WDR3: variants seen among roughly 807,000 people sequenced by gnomAD.
WDR3 encodes the protein WD repeat-containing protein 3.
In WDR3, 81 loss-of-function variants were observed where a neutral mutation model predicts 123.7. That is an observed-to-expected ratio of 0.65 (90% CI 0.55 to 0.79). WDR3 has a LOEUF of 0.79. Ranked by LOEUF, WDR3 falls within the 30% of genes least tolerant of loss-of-function variation. WDR3 has a pLI of 0.00. For synonymous variants in WDR3, 390 were observed against 388.8 expected (o/e 1.00, Z -0.04); for missense variants, 1,027 against 1,123.2 (o/e 0.91, Z 1.22).
intron 1 of WDR3, 133 bp from the exon 2 acceptor site, chr1:117,933,155 G>C (rs1286149680): frequency 3.1e-6 from 2 of 651,218 alleles, no homozygotes; most frequent in East Asian, 6.0e-5. Context: ...TGTGAGCCAG[G>C]ATCCCACCAC....
chr1:117,938,771 G>A (rs756364472), intron 5 of WDR3, among the ~76,000 whole-genome samples: 2 of 152,150 alleles, frequency 1.3e-5, no homozygotes, highest in African/African-American at 4.8e-5. Flanking sequence ...TTGGCCTTGC[G>A]TGGTTTTTAA....
rs774410011 is a variant in WDR3, at chr1:117,952,071, T to C, written c.1899T>C (p.Asp633=). 4 of 1,613,038 alleles carry C rather than the reference T, an allele frequency of 2.5e-6. No homozygotes were observed. Among genetic ancestry groups the C allele is most frequent in the Non-Finnish European group, 3.4e-6 (4 of 1,179,334 alleles). The part of the protein sequence containing the change: ...GDCHKSLFAH[D]DSVMYLQFVP... ...GCCACAAGTCTCTCTTTGCACATGA[T>C]GACAGGTATGTATAGTCTTTTCAAA... Residue 633 remains aspartate (D), a synonymous_variant, in exon 17 of 27, where the codon GAT becomes GAC. Transcript: ENST00000349139.
At chr1:117,956,687 G>A (rs372700625) in intron 24 of WDR3, among the ~76,000 whole-genome samples, 12 of 152,142 alleles carry the variant, frequency 7.9e-5, no homozygotes, top group African/African-American at 2.9e-4. Flanking sequence ...AATTAAAATA[G>A]TGTAGCATTG....
In WDR3 at chr1:117,963,311, C is replaced by T. The variant is rs1453618421; in HGVS notation, c.*3864C>T. On this transcript the variant is annotated 3_prime_UTR_variant, in exon 27 of 27. Transcript: ENST00000349139. The stretch of plus-strand genomic sequence containing the variant: ...TGAATTCTACCTTGCATGAGCATTA[C>T]ATTTTATAATATATATAAAGAAGCA... 1 of 151,796 alleles carries T rather than the reference C, an allele frequency of 6.6e-6. No homozygotes were observed. The highest frequency in any genetic ancestry group is 1.5e-5 in the Non-Finnish European group (1 of 68,038). 9.4% of individuals were successfully genotyped at this position (151,796 alleles called of 1,614,324 possible). A position where few individuals can be genotyped will look rare whatever the true frequency, so the allele number is the denominator to read the frequency against.
chr1:117,950,805 G>A (rs1651581605), intron 15 of WDR3, 29 bp from the exon 16 acceptor site: 1 of 1,575,020 alleles, frequency 6.3e-7, no homozygotes, highest in Non-Finnish European at 8.7e-7. Flanking sequence ...TTTATAGACA[G>A]ACATTAATTA....
At chr1:117,953,930 G>T in intron 21 of WDR3, 77 bp from the exon 22 acceptor site, 1 of 1,260,480 alleles carries the variant, frequency 7.9e-7, no homozygotes, top group Non-Finnish European at 1.1e-6. Flanking sequence ...CAAATTTCTG[G>T]TCAGTTCTTC....
At chr1:117,942,294 T>C in intron 9 of WDR3, 143 bp from the exon 10 acceptor site, 1 of 682,568 alleles carries the variant, frequency 1.5e-6, no homozygotes, top group Admixed American at 2.8e-5. Flanking sequence ...CATTGTTTAA[T>C]TATCATGGTA....
chr1:117,956,451 A>G (rs1488194836), intron 24 of WDR3, among the ~76,000 whole-genome samples: 1 of 152,238 alleles, frequency 6.6e-6, no homozygotes, highest in Admixed American at 6.5e-5. Context: ...TAAAGATGAA[A>G]CTTCACTACA....
chr1:117,946,202 A>C (rs773233984), intron 12 of WDR3, 23 bp downstream of exon 12: 5 of 1,572,664 alleles, frequency 3.2e-6, no homozygotes, highest in Middle Eastern at 1.7e-4. Flanking sequence ...TTTTTCTGGG[A>C]TATCTGGATC....
intron 24 of WDR3, among the ~76,000 whole-genome samples, chr1:117,955,624 A>G (rs1652081194): frequency 1.3e-5 from 2 of 152,144 alleles, no homozygotes; most frequent in Non-Finnish European, 2.9e-5. Context: ...ATATAATTCA[A>G]TTAGAAGCAC....
At chr1:117,938,384 GTTCC>G (rs1651015808) in intron 4 of WDR3, 92 bp from the exon 5 acceptor site, 1 of 932,924 alleles carries the variant, frequency 1.1e-6, no homozygotes, top group Non-Finnish European at 1.6e-6. Flanking sequence ...TGAAGCATAT[GTTCC>G]TTTTAAAGCA....
At chr1:117,954,782 TG>T (rs1651922210) in intron 23 of WDR3, among the ~76,000 whole-genome samples, 155 bp downstream of exon 23, 1 of 152,170 alleles carries the variant, frequency 6.6e-6, no homozygotes, top group African/African-American at 2.4e-5. Context: ...TAGGATATTT[TG>T]TATTTCAAAA....
Position 117,950,092 on chromosome 1 carries a change from G to A in WDR3, c.1708G>A (p.Asp570Asn), listed in dbSNP as rs1651556037. 6.2e-7 allele frequency: 1 copy of A among 1,613,772 alleles called. No homozygotes were observed. The highest frequency in any genetic ancestry group is 8.5e-7 in the Non-Finnish European group (1 of 1,179,890). ...AAAGCTATTGGCTGTGTCTTTGCTG[G>A]ACTGTACTGTGAAAATTTTCTACGT... Reference protein sequence around the residue: ...NQKLLAVSLLDCTVKIFYVDT... With the variant: ...NQKLLAVSLLNCTVKIFYVDT... Residue 570 changes from aspartate to asparagine, a missense_variant, in exon 15 of 27, where the codon GAC (aspartate) becomes AAC (asparagine). Transcript: ENST00000349139.
At chr1:117,947,466 A>G (rs1425102229) in intron 12 of WDR3, among the ~76,000 whole-genome samples, 1 of 152,114 alleles carries the variant, frequency 6.6e-6, no homozygotes, top group Admixed American at 6.5e-5. Flanking sequence ...TTCACATCTC[A>G]AAACTTTCCT....
At position 117,963,295 on chromosome 1, in the gene WDR3, C is replaced by T. The variant is rs1401571502; in HGVS notation, c.*3848C>T. ...TTAGGGTATAAAGCACTGAATTCTA[C>T]CTTGCATGAGCATTACATTTTATAA... is the stretch of plus-strand genomic sequence containing the variant. On this transcript the variant is annotated 3_prime_UTR_variant, in exon 27 of 27. Transcript: ENST00000349139. 2 of 152,118 alleles carry T rather than the reference C, an allele frequency of 1.3e-5. No individual in the cohort carries two copies. The highest frequency in any genetic ancestry group is 6.5e-5 in the Admixed American group (1 of 15,272). 9.4% of individuals were successfully genotyped at this position (152,118 alleles called of 1,614,324 possible).
chr1:117,955,139 A>G, intron 23 of WDR3, 176 bp from the exon 24 acceptor site: 2 of 497,142 alleles, frequency 4.0e-6, no homozygotes, highest in South Asian at 4.0e-5. Flanking sequence ...TAAGGGGCAG[A>G]GTTCAGTTGT....
chr1:117,951,046 G>A (rs1651590747), intron 16 of WDR3, among the ~76,000 whole-genome samples, 156 bp downstream of exon 16: 1 of 151,592 alleles, frequency 6.6e-6, no homozygotes, highest in South Asian at 2.1e-4. Flanking sequence ...AATATATATT[G>A]TATCTTATAT....
intron 1 of WDR3, among the ~76,000 whole-genome samples, chr1:117,930,288 G>A (rs1441373057): frequency 6.6e-6 from 1 of 152,186 alleles, no homozygotes; most frequent in East Asian, 1.9e-4. Context: ...TGTATGGGAG[G>A]TAGTTTAAAT....
chr1:117,953,841 A>G (rs1651771530), intron 21 of WDR3, 166 bp from the exon 22 acceptor site: 1 of 645,656 alleles, frequency 1.5e-6, no homozygotes. Flanking sequence ...AAAAATAAGA[A>G]AACCAAAAAT....
Sources: allele counts gnomAD v4.1 joint callset (sites outside exome capture counted in the v4.1 genomes callset), GRCh38; gene constraint gnomAD v4.1.1; transcripts MANE v1.5; gene names NCBI Gene and HGNC (gene_info 2026-07-23, HGNC 2026-07-21).